Variants in C2CD3 observed in about 807,000 individuals in gnomAD.
C2CD3 encodes C2 domain-containing protein 3.
In C2CD3, 148 loss-of-function variants were observed where a neutral mutation model predicts 234.0. The ratio of observed to expected loss-of-function variants is 0.63; its 90% CI spans 0.55 to 0.72. The LOEUF (loss-of-function observed/expected upper bound fraction) is 0.72, where lower values mean the gene tolerates loss of function less well. Among genes scored for constraint, C2CD3 ranks in the 30% least tolerant of loss-of-function variants. The pLI is 0.00. For missense variants in C2CD3, 2,577 were observed against 2,811.5 expected, an observed-to-expected ratio of 0.92 and a Z score of 1.89; for synonymous variants, 1,000 against 1,035.4, an observed-to-expected ratio of 0.97 and a Z score of 0.66.
At chr11:74,134,316 T>C (rs1957786965) in intron 5 of C2CD3, among the ~76,000 whole-genome samples, 1 of 152,190 alleles carries the variant, frequency 6.6e-6, no homozygotes, top group Non-Finnish European at 1.5e-5. Flanking sequence ...ATGACCCTAC[T>C]TAGTTCTTAG....
At chr11:74,097,284 T>C (rs1010575226) in intron 16 of C2CD3, among the ~76,000 whole-genome samples, 1 of 152,204 alleles carries the variant, frequency 6.6e-6, no homozygotes, top group African/African-American at 2.4e-5. Flanking sequence ...GTCATTTGGG[T>C]TCAGACTTAA....
At chr11:74,119,035 A>T (rs1957125434) in intron 8 of C2CD3, among the ~76,000 whole-genome samples, 1 of 150,746 alleles carries the variant, frequency 6.6e-6, no homozygotes, top group Non-Finnish European at 1.5e-5. Context: ...TCAGCCTCCC[A>T]AGTAGCTGGG....
At chr11:74,121,380 G>A (rs779827517) in intron 8 of C2CD3, among the ~76,000 whole-genome samples, 3 of 152,036 alleles carry the variant, frequency 2.0e-5, no homozygotes, top group Non-Finnish European at 4.4e-5. Context: ...GCTGAGGTGC[G>A]CGGACCACTT....
At chr11:74,019,454 G>A (rs1184499267) in intron 32 of C2CD3, among the ~76,000 whole-genome samples, 1 of 152,206 alleles carries the variant, frequency 6.6e-6, no homozygotes, top group Non-Finnish European at 1.5e-5. Flanking sequence ...AGAAAGCTAG[G>A]GACTTGGTGG....
At chr11:74,091,085 A>G (rs1171599320) in intron 19 of C2CD3, 149 bp from the exon 20 acceptor site, 5 of 729,586 alleles carry the variant, frequency 6.9e-6, no homozygotes, top group Non-Finnish European at 1.1e-5. Flanking sequence ...TCATAATCAC[A>G]TTGTTATTCT....
At chr11:74,147,314 G>C (rs898293154) in intron 3 of C2CD3, among the ~76,000 whole-genome samples, 1 of 152,084 alleles carries the variant, frequency 6.6e-6, no homozygotes, top group Non-Finnish European at 1.5e-5. Flanking sequence ...CTACTAGGAA[G>C]GCTGTCGTGG....
At chr11:74,148,509 G>T (rs1473073388) in intron 3 of C2CD3, among the ~76,000 whole-genome samples, 1 of 151,938 alleles carries the variant, frequency 6.6e-6, no homozygotes, top group South Asian at 2.1e-4. Flanking sequence ...AATAGCATAA[G>T]TTTGATACTT....
chr11:74,056,161 C>A (rs1417840617), intron 25 of C2CD3, among the ~76,000 whole-genome samples: 4 of 152,166 alleles, frequency 2.6e-5, no homozygotes, highest in African/African-American at 4.8e-5. Flanking sequence ...TGACCAACTG[C>A]TGAGACTCAA....
At chr11:74,159,763 T>G (rs570302127) in intron 3 of C2CD3, among the ~76,000 whole-genome samples, 4 of 152,118 alleles carry the variant, frequency 2.6e-5, no homozygotes, top group African/African-American at 9.6e-5. Flanking sequence ...GTCTTCTAAG[T>G]GTACAGTGTT....
intron 23 of C2CD3, among the ~76,000 whole-genome samples, chr11:74,074,967 C>G (rs145662251): frequency 6.6e-6 from 1 of 152,058 alleles, no homozygotes; most frequent in East Asian, 1.9e-4. Flanking sequence ...GTCTGCAGTC[C>G]CAGCTACTCA....
At chr11:74,034,586 C>T in intron 30 of C2CD3, 1 of 1,613,662 alleles carries the variant, frequency 6.2e-7, no homozygotes, top group Non-Finnish European at 8.5e-7. Flanking sequence ...CATGTTCATG[C>T]TTCCAGTTAC....
At chr11:74,114,265 G>C in intron 10 of C2CD3, 119 bp downstream of exon 10, 1 of 716,754 alleles carries the variant, frequency 1.4e-6, no homozygotes, top group South Asian at 1.7e-5. Flanking sequence ...TATTTCTGTA[G>C]ATTAAATGAT....
At chr11:74,135,959 G>T (rs2135540215) in intron 5 of C2CD3, among the ~76,000 whole-genome samples, 1 of 152,162 alleles carries the variant, frequency 6.6e-6, no homozygotes, top group East Asian at 1.9e-4. Flanking sequence ...AGAAACTGGG[G>T]ACTACTAGAG....
At chr11:74,081,167 T>C (rs377347626) in intron 22 of C2CD3, among the ~76,000 whole-genome samples, 2 of 152,296 alleles carry the variant, frequency 1.3e-5, no homozygotes, top group East Asian at 3.9e-4. Context: ...ATATAACCAA[T>C]TTAATGAATT....
At chr11:74,055,824 T>C (rs1456130891) in intron 25 of C2CD3, among the ~76,000 whole-genome samples, 1 of 152,252 alleles carries the variant, frequency 6.6e-6, no homozygotes, top group African/African-American at 2.4e-5. Context: ...CAACAGACTA[T>C]GTAGCCTCCC....
intron 5 of C2CD3, among the ~76,000 whole-genome samples, chr11:74,138,440 C>G (rs958333462): frequency 2.0e-5 from 3 of 152,190 alleles, no homozygotes; most frequent in African/African-American, 7.2e-5. Flanking sequence ...AAGGACTAAT[C>G]CTTTTCTATG....
chr11:74,027,804 AGAG>A, intron 32 of C2CD3, among the ~76,000 whole-genome samples: 2 of 152,344 alleles, frequency 1.3e-5, no homozygotes, highest in East Asian at 3.9e-4. Flanking sequence ...AAGGCAGAAA[AGAG>A]GAGATGTGGG....
intron 22 of C2CD3, among the ~76,000 whole-genome samples, chr11:74,081,763 T>G (rs1278708932): frequency 6.6e-6 from 1 of 152,232 alleles, no homozygotes; most frequent in Non-Finnish European, 1.5e-5. Context: ...GGGAGTTCAC[T>G]CATGATTTGG....
intron 1 of C2CD3, among the ~76,000 whole-genome samples, chr11:74,169,311 G>A (rs1271428215): frequency 6.6e-6 from 1 of 152,170 alleles, no homozygotes; most frequent in Non-Finnish European, 1.5e-5. Context: ...ACATTAAAGT[G>A]TAAACAAAGC....
Sources: gnomAD v4.1 joint callset for allele counts (sites outside exome capture counted in the v4.1 genomes callset) on GRCh38, gnomAD v4.1.1 for gene constraint, MANE v1.5 for transcripts, NCBI Gene and HGNC (gene_info 2026-07-23, HGNC 2026-07-21) for gene names.